Variants in TMTC1 observed in about 807,000 individuals in gnomAD.
The protein encoded by TMTC1 is protein O-mannosyl-transferase TMTC1.
TMTC1 carries 73 observed loss-of-function variants against 104.8 expected under a neutral mutation model. The ratio of observed to expected loss-of-function variants is 0.70; its 90% CI spans 0.58 to 0.85. The LOEUF (loss-of-function observed/expected upper bound fraction) is 0.85, where lower values mean the gene tolerates loss of function less well. Ranked by LOEUF, TMTC1 falls within the 40% of genes least tolerant of loss-of-function variation. TMTC1 has a pLI of 0.00. For missense variants in TMTC1, 1,035 were observed against 1,096.1 expected, an observed-to-expected ratio of 0.94 and a Z score of 0.79; for synonymous variants, 434 against 428.7, an observed-to-expected ratio of 1.01 and a Z score of -0.15.
At chr12:29,666,353 G>A in intron 5 of TMTC1, 5 of 349,048 alleles carry the variant, frequency 1.4e-5, no homozygotes, top group Non-Finnish European at 2.7e-5. Flanking sequence ...TCAGCCTCCT[G>A]AGTAGCTGGG....
At chr12:29,540,385 C>G (rs1331374523) in intron 10 of TMTC1, among the ~76,000 whole-genome samples, 2 of 152,166 alleles carry the variant, frequency 1.3e-5, no homozygotes, top group African/African-American at 4.8e-5. Flanking sequence ...ATACTGACCA[C>G]CATCATCCCA....
chr12:29,597,333 C>T (rs1054302203), intron 7 of TMTC1, among the ~76,000 whole-genome samples: 6 of 150,912 alleles, frequency 4.0e-5, no homozygotes, highest in African/African-American at 1.5e-4. Context: ...CCTCGGCCTC[C>T]CAAAATGCTA....
intron 5 of TMTC1, chr12:29,660,772 A>G (rs1018272669): frequency 3.5e-6 from 3 of 848,328 alleles, no homozygotes; most frequent in African/African-American, 1.8e-5. Context: ...CAGATATTTC[A>G]AAAGTATATA....
At chr12:29,643,316 T>C (rs111511648) in intron 5 of TMTC1, among the ~76,000 whole-genome samples, 8,414 of 150,086 alleles carry the variant, frequency 0.056, 280 homozygotes, top group African/African-American at 0.074. Context: ...CATAAGAAGT[T>C]ATTATTCGAA....
intron 6 of TMTC1, among the ~76,000 whole-genome samples, chr12:29,624,636 C>T (rs183823941): frequency 6.6e-6 from 1 of 152,202 alleles, no homozygotes; most frequent in African/African-American, 2.4e-5. Flanking sequence ...CAAACAGCCA[C>T]ATGGCTCACC....
rs964780693 is a variant in TMTC1, at chr12:29,506,372, T to C, written c.*474A>G. Reference sequence around the variant, plus strand: ...GATACTCATTCCTGGTTCTGGAAAATTAAATAAGCCAATTCTTGGTAGGAT... The same window carrying C: ...GATACTCATTCCTGGTTCTGGAAAACTAAATAAGCCAATTCTTGGTAGGAT... On this transcript the variant is annotated 3_prime_UTR_variant, in exon 18 of 18. Coordinates refer to ENST00000539277, the MANE Select transcript of TMTC1 (RefSeq NM_001193451.2). 1 of 154,010 alleles carries C rather than the reference T, an allele frequency of 6.5e-6. No homozygotes were observed. The highest frequency in any genetic ancestry group is 1.4e-5 in the Non-Finnish European group (1 of 69,272). 9.5% of individuals were successfully genotyped at this position (154,010 alleles called of 1,614,324 possible).
At chr12:29,701,802 A>G (rs1007989608) in intron 5 of TMTC1, among the ~76,000 whole-genome samples, 5 of 152,204 alleles carry the variant, frequency 3.3e-5, no homozygotes, top group Non-Finnish European at 7.3e-5. Context: ...TAACAGATTC[A>G]CTACCCAATT....
At chr12:29,689,411 T>C (rs539844988) in intron 5 of TMTC1, among the ~76,000 whole-genome samples, 2 of 152,206 alleles carry the variant, frequency 1.3e-5, no homozygotes, top group Admixed American at 6.5e-5. Flanking sequence ...CCTCCCAGGT[T>C]CAAGTGATTC....
intron 5 of TMTC1, among the ~76,000 whole-genome samples, chr12:29,635,694 C>T (rs1938515963): frequency 6.6e-6 from 1 of 152,138 alleles, no homozygotes; most frequent in African/African-American, 2.4e-5. Context: ...CAAAATCAAA[C>T]CTGAACTAAT....
intron 9 of TMTC1, among the ~76,000 whole-genome samples, chr12:29,566,134 T>G (rs1024964153): frequency 6.6e-6 from 1 of 151,918 alleles, no homozygotes; most frequent in African/African-American, 2.4e-5. Flanking sequence ...CAGGGAGGCC[T>G]CATGGAGAAG....
intron 10 of TMTC1, among the ~76,000 whole-genome samples, chr12:29,545,315 C>T (rs983766069): frequency 6.6e-6 from 1 of 152,150 alleles, no homozygotes; most frequent in African/African-American, 2.4e-5. Flanking sequence ...CTGGATAATT[C>T]TATGAGATCA....
chr12:29,717,782 G>A (rs1942126480), intron 5 of TMTC1, among the ~76,000 whole-genome samples: 2 of 151,948 alleles, frequency 1.3e-5, no homozygotes, highest in South Asian at 4.2e-4. Flanking sequence ...GTCATATTGG[G>A]AATTATAATT....
chr12:29,620,760 A>C (rs1937632003), intron 6 of TMTC1, among the ~76,000 whole-genome samples: 1 of 152,202 alleles, frequency 6.6e-6, no homozygotes, highest in South Asian at 2.1e-4. Context: ...AAAACTACTG[A>C]GCTGGAAAAC....
At chr12:29,674,935 A>G (rs987263984) in intron 5 of TMTC1, among the ~76,000 whole-genome samples, 1 of 152,168 alleles carries the variant, frequency 6.6e-6, no homozygotes, top group Admixed American at 6.5e-5. Context: ...TGTCCTAATG[A>G]TTTTCACAGG....
chr12:29,585,395 G>C (rs1406841529), intron 7 of TMTC1, among the ~76,000 whole-genome samples: 1 of 152,110 alleles, frequency 6.6e-6, no homozygotes. Context: ...TAGGTTGCCT[G>C]TTTACTCTGA....
At chr12:29,583,155 A>C (rs541381423) in intron 8 of TMTC1, among the ~76,000 whole-genome samples, 17 of 152,292 alleles carry the variant, frequency 1.1e-4, no homozygotes, top group Middle Eastern at 3.4e-3. Context: ...CTGAATTCAC[A>C]GACTCAAAAA....
Position 29,778,991 on chromosome 12 carries a change from T to C in TMTC1, c.302+4459A>G, listed in dbSNP as rs1174926197. On this transcript the variant is annotated intron_variant, in intron 1 of 17. Coordinates refer to ENST00000539277, the MANE Select transcript of TMTC1 (RefSeq NM_001193451.2). ...ACCCACAAGGATGAGCTAAAATACA[T>C]GTCTGTTTTCCACTGCCTTTAAGGC... 4.6e-5 allele frequency among the ~76,000 whole-genome samples: 7 copies of C among 152,282 alleles called. No homozygotes were observed. The South Asian group carries it at 6.2e-4, about 14-fold the overall frequency.
At chr12:29,565,975 T>C (rs1262938841) in intron 9 of TMTC1, among the ~76,000 whole-genome samples, 3 of 152,232 alleles carry the variant, frequency 2.0e-5, no homozygotes, top group Admixed American at 2.0e-4. Context: ...CAAAGATTTC[T>C]GCTTTCATGC....
chr12:29,639,068 A>T (rs150077623), intron 5 of TMTC1, among the ~76,000 whole-genome samples: 1 of 152,198 alleles, frequency 6.6e-6, no homozygotes, highest in Non-Finnish European at 1.5e-5. Context: ...ACACAGGGAA[A>T]CTTCACTTGA....
Sources: allele counts gnomAD v4.1 joint callset (sites outside exome capture counted in the v4.1 genomes callset), GRCh38; gene constraint gnomAD v4.1.1; transcripts MANE v1.5; gene names NCBI Gene and HGNC (gene_info 2026-07-23, HGNC 2026-07-21).